ZNF536: variants seen among roughly 807,000 people sequenced by gnomAD.
ZNF536 encodes the protein zinc finger protein 536.
ZNF536 carries 13 observed loss-of-function variants against 84.5 expected under a neutral mutation model. The ratio of observed to expected loss-of-function variants is 0.15; its 90% CI spans 0.10 to 0.24. ZNF536 has a LOEUF of 0.24. Ranked by LOEUF, ZNF536 falls within the 10% of genes least tolerant of loss-of-function variation. The pLI, the probability that ZNF536 is intolerant of heterozygous loss-of-function variation, is 1.00. For missense variants in ZNF536, 1,536 were observed against 1,747.5 expected, an observed-to-expected ratio of 0.88 and a Z score of 2.16; for synonymous variants, 811 against 742.5, an observed-to-expected ratio of 1.09 and a Z score of -1.50.
At chr19:30,374,611 G>A (rs2048735669) in intron 1 of ZNF536, among the ~76,000 whole-genome samples, 1 of 152,108 alleles carries the variant, frequency 6.6e-6, no homozygotes, top group South Asian at 2.1e-4. Flanking sequence ...TGCCCGGATT[G>A]CCTCTTTTGC....
chr19:30,375,645 G>T (rs142668554), intron 1 of ZNF536, among the ~76,000 whole-genome samples: 134 of 152,370 alleles, frequency 8.8e-4, no homozygotes, highest in South Asian at 4.1e-4. Context: ...GCGCATATGG[G>T]CATGAGTGTA....
intron 1 of ZNF536, among the ~76,000 whole-genome samples, chr19:30,619,079 A>G (rs2048394717): frequency 6.6e-6 from 1 of 152,088 alleles, no homozygotes; most frequent in South Asian, 2.1e-4. Context: ...AATAATGTAC[A>G]TTGTACCCAC....
chr19:30,632,489 C>T (rs2048920520), intron 1 of ZNF536, among the ~76,000 whole-genome samples: 1 of 152,134 alleles, frequency 6.6e-6, no homozygotes, highest in African/African-American at 2.4e-5. Flanking sequence ...GCCTGTAATC[C>T]CAGCTACTCA....
At chr19:30,419,157 T>G (rs1288306139) in intron 1 of ZNF536, among the ~76,000 whole-genome samples, 2 of 152,334 alleles carry the variant, frequency 1.3e-5, no homozygotes, top group East Asian at 3.9e-4. Flanking sequence ...GCTGTATCTT[T>G]CACTTGAAAT....
intron 3 of ZNF536, among the ~76,000 whole-genome samples, chr19:30,537,501 C>T (rs551476990): frequency 6.6e-6 from 1 of 152,306 alleles, no homozygotes; most frequent in African/African-American, 2.4e-5. Flanking sequence ...GTCAGCCTTG[C>T]AGGGTGTAAG....
At chr19:30,352,835 G>T (rs960876781) in intron 3 of ZNF536, among the ~76,000 whole-genome samples, 46 of 152,164 alleles carry the variant, frequency 3.0e-4, no homozygotes, top group African/African-American at 1.0e-3. Flanking sequence ...AGATAAAGAT[G>T]GGGCTTCATT....
At chr19:30,504,048 T>A (rs2055058543) in intron 2 of ZNF536, among the ~76,000 whole-genome samples, 1 of 152,048 alleles carries the variant, frequency 6.6e-6, no homozygotes, top group African/African-American at 2.4e-5. Context: ...ATAGAGAATT[T>A]TAACAAATCA....
rs117100343 is a variant in ZNF536, at chr19:30,358,815, G to A, written c.-3+6331G>A. The stretch of plus-strand genomic sequence containing the variant: ...TTAGGGTCAGACCATGAAAGTTTTG[G>A]ACAAAGACAATCAAGGCTGAAGCAG... On this transcript the variant is annotated intron_variant, in intron 3 of 5. Coordinates refer to the ZNF536 transcript ENST00000585628. 7.6e-3 allele frequency among the ~76,000 whole-genome samples: 1,161 copies of A among 152,234 alleles called. 7 individuals are homozygous for A. The highest frequency in any genetic ancestry group is 0.014 in the Middle Eastern group (4 of 294).
Position 30,269,097 on chromosome 19 carries a change from A to G in ZNF536, c.-189-14975A>G, listed in dbSNP as rs558746947. ...GGTCTTTAGTGAACAAGGTAGGGGA[A>G]GGCTCCAGGGAGCCAATTTAGAATG... On this transcript the variant is annotated intron_variant, in intron 1 of 5. Transcript: ENST00000585628. 4.6e-5 allele frequency among the ~76,000 whole-genome samples: 7 copies of G among 152,356 alleles called. No individual in the cohort carries two copies. In the South Asian group the frequency reaches 8.3e-4, roughly 18 times the overall value.
At chr19:30,579,092 T>C (rs2046836399) in intron 1 of ZNF536, among the ~76,000 whole-genome samples, 2 of 152,230 alleles carry the variant, frequency 1.3e-5, no homozygotes, top group African/African-American at 4.8e-5. Context: ...TTATTGATCA[T>C]TAACTGTGAG....
At position 30,586,039 on chromosome 19, in the gene ZNF536, C is replaced by A. The variant is rs2047083510; in HGVS notation, c.169+36525C>A. Among the ~76,000 whole-genome samples the A allele has an allele frequency of 2.6e-5, 4 of 152,324 alleles. No individual in the cohort carries two copies. The South Asian group carries it at 8.3e-4, about 32-fold the overall frequency. On this transcript the variant is annotated intron_variant, in intron 1 of 1. Transcript: ENST00000592773. Reference sequence around the variant, plus strand: ...TATACTTCCTCTAATCCCCCAATCACCCCTGCCCTCCTGGAGCTTACACTT... The same window carrying A: ...TATACTTCCTCTAATCCCCCAATCAACCCTGCCCTCCTGGAGCTTACACTT...
chr19:30,462,735 C>T (rs993876538), intron 2 of ZNF536, among the ~76,000 whole-genome samples: 1 of 151,240 alleles, frequency 6.6e-6, no homozygotes, highest in Non-Finnish European at 1.5e-5. Context: ...ATGCATTTGC[C>T]TGTGTTGGAA....
intron 2 of ZNF536, among the ~76,000 whole-genome samples, chr19:30,446,248 C>CAAAAAAAAAAAAAAAAAAAAAA (rs1177505634): frequency 4.8e-4 from 14 of 29,170 alleles, no homozygotes; most frequent in Non-Finnish European, 6.8e-4. Flanking sequence ...GACACTGTCT[C>CAAAAAAAAAAAAAAAAAAAAAA]AAAAAAAAAA....
chr19:30,498,618 T>C (rs557199974), intron 2 of ZNF536, among the ~76,000 whole-genome samples: 1 of 152,096 alleles, frequency 6.6e-6, no homozygotes, highest in East Asian at 1.9e-4. Context: ...AAAAAAAGTT[T>C]CAAATAAAAG....
intron 1 of ZNF536, among the ~76,000 whole-genome samples, chr19:30,629,759 A>G (rs567724973): frequency 6.6e-5 from 10 of 152,294 alleles, no homozygotes; most frequent in African/African-American, 2.4e-4. Flanking sequence ...TGGCTCCCCT[A>G]TGCCGTTTGT....
At chr19:30,549,658 T>A in intron 4 of ZNF536, 144 bp downstream of exon 4, 2 of 911,918 alleles carry the variant, frequency 2.2e-6, no homozygotes, top group Non-Finnish European at 3.1e-6. Flanking sequence ...ATCTGCAATG[T>A]AGACAATCAT....
chr19:30,549,238 G>A lies in ZNF536; in HGVS notation c.3619G>A (p.Asp1207Asn), dbSNP rs2146245548. The A allele has an allele frequency of 3.1e-6, 5 of 1,613,992 alleles. No individual in the cohort carries two copies. The highest frequency in any genetic ancestry group is 4.2e-6 in the Non-Finnish European group (5 of 1,180,038). ...LSKDSSSDGG[D>N]SLQPTGTSQP... ...CAAAGACAGCAGCAGCGATGGCGGG[G>A]ACAGCCTGCAGCCCACAGGCACCTC... The change falls in exon 4 of 5, where the codon GAC (aspartate) becomes AAC (asparagine). Residue 1207 changes from aspartate (D) to asparagine (N), a missense_variant. Around this residue, in one of 8 missense-constraint regions of ZNF536, gnomAD observed 624 missense variants for 603.1 expected, o/e 1.03. Coordinates refer to ENST00000355537, the MANE Select transcript of ZNF536 (RefSeq NM_014717.3).
intron 2 of ZNF536, among the ~76,000 whole-genome samples, chr19:30,334,983 T>C (rs1039406318): frequency 1.3e-5 from 2 of 152,206 alleles, no homozygotes; most frequent in Non-Finnish European, 2.9e-5. Flanking sequence ...TCGCTCACTC[T>C]CTGCTCACCT....
downstream of ZNF536, among the ~76,000 whole-genome samples, chr19:30,559,550 T>A (rs577986843): frequency 2.6e-5 from 4 of 152,330 alleles, no homozygotes; most frequent in South Asian, 6.2e-4. Flanking sequence ...ACACTGTTCC[T>A]GGCGTTGCCG....
Sources: gnomAD v4.1 joint callset for allele counts (sites outside exome capture counted in the v4.1 genomes callset) on GRCh38, gnomAD v4.1.1 for gene constraint, gnomAD v4.1.1 regional missense constraint, MANE v1.5 for transcripts, NCBI Gene and HGNC (gene_info 2026-07-23, HGNC 2026-07-21) for gene names.